CTNNA2: variants seen among roughly 807,000 people sequenced by gnomAD.
The protein encoded by CTNNA2 is catenin alpha-2.
Under a neutral mutation model 101.0 loss-of-function variants are expected in CTNNA2, and 42 were observed. The ratio of observed to expected loss-of-function variants is 0.42; its 90% CI spans 0.32 to 0.54. The LOEUF (loss-of-function observed/expected upper bound fraction) is 0.54, where lower values mean the gene tolerates loss of function less well. CTNNA2 is among the 20% of genes least tolerant of loss of function. The pLI is 0.14. For synonymous variants in CTNNA2, 450 were observed against 456.4 expected (o/e 0.99, Z 0.18); for missense variants, 871 against 1,223.1 (o/e 0.71, Z 4.29).
intron 9 of CTNNA2, among the ~76,000 whole-genome samples, chr2:80,518,302 G>C (rs1689260427): frequency 6.6e-6 from 1 of 152,102 alleles, no homozygotes; most frequent in Admixed American, 6.5e-5. Flanking sequence ...TCTGGTATTG[G>C]AACATCATTT....
At chr2:80,141,505 C>G (rs1173346252) in intron 7 of CTNNA2, among the ~76,000 whole-genome samples, 1 of 151,982 alleles carries the variant, frequency 6.6e-6, no homozygotes, top group South Asian at 2.1e-4. Flanking sequence ...AATATCCACC[C>G]CCTCCAACCC....
intron 1 of CTNNA2, among the ~76,000 whole-genome samples, chr2:79,190,260 A>G (rs1211498010): frequency 6.6e-6 from 1 of 151,644 alleles, no homozygotes; most frequent in African/African-American, 2.4e-5. Flanking sequence ...TGTACTAATC[A>G]CCCTTTTAAT....
At chr2:79,307,984 T>G (rs1225423863) in intron 2 of CTNNA2, among the ~76,000 whole-genome samples, 1 of 152,208 alleles carries the variant, frequency 6.6e-6, no homozygotes, top group East Asian at 1.9e-4. Context: ...AGCATTTTTT[T>G]GATATATTTA....
At chr2:79,289,432 T>C (rs1675727804) in intron 2 of CTNNA2, among the ~76,000 whole-genome samples, 1 of 151,990 alleles carries the variant, frequency 6.6e-6, no homozygotes. Context: ...TGGATACATG[T>C]GACGAGTGGT....
At chr2:79,409,367 C>A (rs1012652874) in intron 4 of CTNNA2, among the ~76,000 whole-genome samples, 1 of 152,092 alleles carries the variant, frequency 6.6e-6, no homozygotes, top group Admixed American at 6.6e-5. Flanking sequence ...GACATGAAGT[C>A]CTTGCCCATG....
At chr2:79,515,633 A>AT (rs374333210) in intron 1 of CTNNA2, among the ~76,000 whole-genome samples, 4 of 152,174 alleles carry the variant, frequency 2.6e-5, no homozygotes, top group Non-Finnish European at 4.4e-5. Flanking sequence ...ACAAAGTAAC[A>AT]TTTTTTTACA....
chr2:80,085,170 T>G (rs575788811), intron 7 of CTNNA2, among the ~76,000 whole-genome samples: 1 of 152,066 alleles, frequency 6.6e-6, no homozygotes, highest in Non-Finnish European at 1.5e-5. Flanking sequence ...GCAGATGCCT[T>G]CTTAATTCAT....
At chr2:80,372,292 T>C (rs1348227265) in intron 7 of CTNNA2, among the ~76,000 whole-genome samples, 2 of 151,738 alleles carry the variant, frequency 1.3e-5, no homozygotes, top group Non-Finnish European at 2.9e-5. Context: ...CTTAAACCAG[T>C]CTCAAATTTA....
chr2:79,607,852 A>C (rs1677998218), intron 1 of CTNNA2, among the ~76,000 whole-genome samples: 1 of 152,126 alleles, frequency 6.6e-6, no homozygotes, highest in Non-Finnish European at 1.5e-5. Flanking sequence ...TCACCTTAAT[A>C]ATCTAGAAAA....
chr2:80,165,055 A>C (rs1704585066), intron 7 of CTNNA2, among the ~76,000 whole-genome samples: 1 of 148,632 alleles, frequency 6.7e-6, no homozygotes, highest in Non-Finnish European at 1.5e-5. Flanking sequence ...GGGTTTTCTG[A>C]GCTTCTTGAA....
intron 12 of CTNNA2, among the ~76,000 whole-genome samples, chr2:80,559,323 G>A (rs1267022217): frequency 2.0e-5 from 3 of 152,198 alleles, no homozygotes; most frequent in African/African-American, 7.2e-5. Context: ...TGTTGCTGCT[G>A]AAGGTGTTTA....
At chr2:79,282,504 G>A (rs1389160102) in intron 2 of CTNNA2, among the ~76,000 whole-genome samples, 11 of 151,528 alleles carry the variant, frequency 7.3e-5, no homozygotes, top group South Asian at 2.1e-4. Context: ...GAGAATATGC[G>A]GTGTCTGGTT....
chr2:80,439,544 G>T (rs551327488), intron 9 of CTNNA2, among the ~76,000 whole-genome samples: 4 of 151,934 alleles, frequency 2.6e-5, no homozygotes, highest in Non-Finnish European at 5.9e-5. Flanking sequence ...GATTACAGGC[G>T]CAAACCACCA....
At chr2:80,079,803 A>G (rs1699003743) in intron 7 of CTNNA2, among the ~76,000 whole-genome samples, 1 of 142,012 alleles carries the variant, frequency 7.0e-6, no homozygotes, top group Non-Finnish European at 1.6e-5. Flanking sequence ...ACAGAGGGAG[A>G]CTCCGTCTCA....
intron 3 of CTNNA2, among the ~76,000 whole-genome samples, chr2:79,324,009 T>C (rs1214639655): frequency 1.3e-5 from 2 of 152,174 alleles, no homozygotes; most frequent in Non-Finnish European, 2.9e-5. Flanking sequence ...AGCTGCCATC[T>C]TTTGGATTTC....
chr2:79,728,335 T>C (rs1686990713), intron 2 of CTNNA2, among the ~76,000 whole-genome samples: 1 of 152,250 alleles, frequency 6.6e-6, no homozygotes, highest in Non-Finnish European at 1.5e-5. Flanking sequence ...CCAGTGATGA[T>C]GAGCATTTTT....
At chr2:79,691,510 GA>G (rs370435062) in intron 2 of CTNNA2, among the ~76,000 whole-genome samples, 3,579 of 145,536 alleles carry the variant, frequency 0.025, 138 homozygotes, top group African/African-American at 0.084. Context: ...AAAACAATTA[GA>G]AAAAAAAAAC....
chr2:80,542,649 G>T (rs1271246082), intron 9 of CTNNA2, among the ~76,000 whole-genome samples: 2 of 151,964 alleles, frequency 1.3e-5, no homozygotes, highest in East Asian at 3.9e-4. Context: ...TCATATTGTT[G>T]TGCTAAACTC....
intron 7 of CTNNA2, among the ~76,000 whole-genome samples, chr2:80,192,170 T>A (rs1326538051): frequency 6.6e-6 from 1 of 152,248 alleles, no homozygotes; most frequent in Non-Finnish European, 1.5e-5. Flanking sequence ...TCTAACCATC[T>A]CATTTTCACA....
Sources: allele counts gnomAD v4.1 joint callset (sites outside exome capture counted in the v4.1 genomes callset), GRCh38; gene constraint gnomAD v4.1.1; transcripts MANE v1.5; gene names NCBI Gene and HGNC (gene_info 2026-07-23, HGNC 2026-07-21).